Variants in LAMA2 observed in about 807,000 individuals in gnomAD.
LAMA2 encodes the protein laminin subunit alpha-2.
In LAMA2, 269 loss-of-function variants were observed where a neutral mutation model predicts 364.8. That is an observed-to-expected ratio of 0.74 (90% CI 0.67 to 0.82). The LOEUF is 0.82. Among genes scored for constraint, LAMA2 ranks in the 40% least tolerant of loss-of-function variants. LAMA2 has a pLI of 0.00. For synonymous variants in LAMA2, 1,379 were observed against 1,370.6 expected, an observed-to-expected ratio of 1.01 and a Z score of -0.14; for missense variants, 3,807 against 3,873.2, an observed-to-expected ratio of 0.98 and a Z score of 0.45.
At chr6:129,010,322 G>A (rs569168013) in intron 1 of LAMA2, among the ~76,000 whole-genome samples, 8 of 152,292 alleles carry the variant, frequency 5.3e-5, no homozygotes, top group South Asian at 2.1e-4. Context: ...AAACATGCAT[G>A]AAAAGATAGC....
chr6:128,966,896 A>G (rs4563739), intron 1 of LAMA2, among the ~76,000 whole-genome samples: 33,217 of 152,132 alleles, frequency 0.22, 5,411 homozygotes, highest in African/African-American at 0.46. Context: ...ATCTGCAATT[A>G]GTTAATTAAA....
At chr6:129,194,182 A>G (rs1267947517) in intron 12 of LAMA2, among the ~76,000 whole-genome samples, 1 of 149,232 alleles carries the variant, frequency 6.7e-6, no homozygotes, top group Non-Finnish European at 1.5e-5. Flanking sequence ...TAAAATTGCC[A>G]AAAAAATATA....
rs567798776 is a variant in LAMA2 at position 129,288,687 on chromosome 6, T to C, written c.2749+629T>C. Among the ~76,000 whole-genome samples the C allele has an allele frequency of 1.5e-4, 23 of 152,334 alleles. No individual in the cohort carries two copies. The South Asian group carries it at 3.7e-3, about 25-fold the overall frequency. ...CTCTAGGGCTTCATCCATATTAGTA[T>C]AATACATTTCTCCCCTCTTTACCTT... On this transcript the variant is annotated intron_variant, in intron 19 of 64. Transcript: ENST00000421865.
intron 34 of LAMA2, among the ~76,000 whole-genome samples, chr6:129,375,440 G>A (rs867855861): frequency 6.6e-6 from 1 of 152,058 alleles, no homozygotes; most frequent in Non-Finnish European, 1.5e-5. Context: ...ACTGCTGCCT[G>A]GATTTTCACT....
chr6:129,295,073 A>T (rs1036208344), intron 20 of LAMA2, among the ~76,000 whole-genome samples: 3 of 152,130 alleles, frequency 2.0e-5, no homozygotes, highest in Admixed American at 2.0e-4. Context: ...TATGTGTGAG[A>T]GCTGAGAGCT....
chr6:129,280,453 T>C (rs930003490), intron 18 of LAMA2, among the ~76,000 whole-genome samples: 4 of 152,220 alleles, frequency 2.6e-5, no homozygotes, highest in African/African-American at 9.6e-5. Context: ...TCATGCACTT[T>C]AAGATTTATC....
chr6:129,475,324 T>A, intron 52 of LAMA2, 66 bp from the exon 53 acceptor site: 2 of 937,572 alleles, frequency 2.1e-6, no homozygotes, highest in Admixed American at 2.2e-5. Context: ...TTTTACTAAA[T>A]GAAAATGTAA....
intron 3 of LAMA2, among the ~76,000 whole-genome samples, chr6:129,082,148 A>C (rs1774099291): frequency 6.6e-6 from 1 of 152,130 alleles, no homozygotes. Context: ...AGTTATTGGT[A>C]ATCCTTTTTC....
chr6:129,427,833 A>C lies in LAMA2; in HGVS notation c.5947A>C (p.Lys1983Gln). Reference protein sequence around the residue: ...KSFRILNEAKKLANDVKENED... With the variant: ...KSFRILNEAKQLANDVKENED... Reference sequence around the variant, plus strand: ...CTTCAGGATTCTTAACGAAGCCAAGAAGTTAGCAAATGATGTAAAAGGTCA... The same window carrying C: ...CTTCAGGATTCTTAACGAAGCCAAGCAGTTAGCAAATGATGTAAAAGGTCA... Residue 1983 changes from lysine to glutamine, a missense_variant, in exon 41 of 65, where the codon AAG becomes CAG. By Grantham distance (53) the Lys-to-Gln change is moderately conservative. This residue lies in a region of LAMA2 where 3,333 missense variants were observed against 3,345.7 expected (regional missense o/e 1.00). Transcript: ENST00000421865. 6.2e-7 allele frequency: 1 copy of C among 1,612,710 alleles called. No individual in the cohort carries two copies. The highest frequency in any genetic ancestry group is 8.5e-7 in the Non-Finnish European group (1 of 1,178,820).
At chr6:129,114,329 A>G (rs950422775) in intron 4 of LAMA2, among the ~76,000 whole-genome samples, 1 of 152,080 alleles carries the variant, frequency 6.6e-6, no homozygotes, top group Non-Finnish European at 1.5e-5. Context: ...TACTGTCACT[A>G]CAACTCTGTC....
In LAMA2 at chr6:129,460,310, A is replaced by G; in HGVS notation, c.6978A>G (p.Lys2326=). 6.2e-7 allele frequency: 1 copy of G among 1,612,282 alleles called. No individual in the cohort carries two copies. Among genetic ancestry groups the G allele is most frequent in the Non-Finnish European group, 8.5e-7 (1 of 1,178,734 alleles). Residue 2326 remains lysine, a synonymous_variant, in exon 49 of 65, where the codon AAA becomes AAG. Transcript: ENST00000421865. ...TCCGAGAAAAAGAAGGTGACTGCAA[A>G]GGATGCACTGTCAGGTTAGTTGAGA... ...WNFREKEGDC[K]GCTVSPQVED...
chr6:129,196,552 A>G (rs995999740), intron 12 of LAMA2, among the ~76,000 whole-genome samples: 3 of 152,150 alleles, frequency 2.0e-5, no homozygotes, highest in African/African-American at 7.2e-5. Context: ...ACTCGCTAAC[A>G]AATATGTTCC....
chr6:129,500,506 G>A (rs909738054), intron 58 of LAMA2, among the ~76,000 whole-genome samples: 2 of 152,172 alleles, frequency 1.3e-5, no homozygotes, highest in African/African-American at 2.4e-5. Flanking sequence ...AGGGCTGCCC[G>A]TTGCAGAAAC....
intron 29 of LAMA2, among the ~76,000 whole-genome samples, chr6:129,328,964 T>C (rs969207832): frequency 1.3e-5 from 2 of 152,230 alleles, no homozygotes; most frequent in Non-Finnish European, 2.9e-5. Flanking sequence ...TCCCATAATT[T>C]ACCCATTTCC....
At chr6:129,345,005 G>A (rs180746193) in intron 30 of LAMA2, among the ~76,000 whole-genome samples, 54 of 152,258 alleles carry the variant, frequency 3.5e-4, no homozygotes, top group Middle Eastern at 3.4e-3. Flanking sequence ...AAGGTTGCAA[G>A]GGGTCAGAAG....
intron 54 of LAMA2, among the ~76,000 whole-genome samples, chr6:129,480,812 T>G (rs1219338617): frequency 1.3e-5 from 2 of 152,162 alleles, no homozygotes; most frequent in Non-Finnish European, 2.9e-5. Context: ...CAGATAATGG[T>G]CATACCCATC....
intron 12 of LAMA2, among the ~76,000 whole-genome samples, chr6:129,213,750 T>C (rs1412720205): frequency 2.0e-5 from 3 of 152,226 alleles, no homozygotes; most frequent in Non-Finnish European, 4.4e-5. Flanking sequence ...GAGTTCTTTG[T>C]ATGTTTTGGA....
At chr6:128,909,332 C>T (rs188188527) in intron 1 of LAMA2, among the ~76,000 whole-genome samples, 4 of 151,882 alleles carry the variant, frequency 2.6e-5, no homozygotes, top group Admixed American at 6.6e-5. Context: ...GTGTTGGGTG[C>T]GTATATATTT....
intron 3 of LAMA2, among the ~76,000 whole-genome samples, chr6:129,072,608 G>C (rs866951072): frequency 6.6e-6 from 1 of 152,010 alleles, no homozygotes; most frequent in Middle Eastern, 3.4e-3. Flanking sequence ...TTTTCTGTTT[G>C]TCTTATCTTT....
Sources: gnomAD v4.1 joint callset for allele counts (sites outside exome capture counted in the v4.1 genomes callset) on GRCh38, gnomAD v4.1.1 for gene constraint, gnomAD v4.1.1 regional missense constraint, MANE v1.5 for transcripts, NCBI Gene and HGNC (gene_info 2026-07-23, HGNC 2026-07-21) for gene names.